Variants in API5 observed in about 807,000 individuals in gnomAD.
The protein encoded by API5 is FIF.
Under a neutral mutation model 71.9 loss-of-function variants are expected in API5, and 6 were observed. The observed-to-expected ratio is 0.08, with a 90% CI of 0.05 to 0.16. The LOEUF is 0.16. Ranked by LOEUF, API5 falls within the 10% of genes least tolerant of loss-of-function variation. API5 has a pLI of 1.00. For missense variants in API5, 332 were observed against 612.8 expected, an observed-to-expected ratio of 0.54 and a Z score of 4.84; for synonymous variants, 189 against 221.3, an observed-to-expected ratio of 0.85 and a Z score of 1.30.
chr11:43,330,668 A>C (rs1855221194), intron 11 of API5, 104 bp downstream of exon 11: 5 of 887,586 alleles, frequency 5.6e-6, no homozygotes. Flanking sequence ...GGAGGCATGC[A>C]AACTTCTTCT....
chr11:43,324,709 G>T (rs1299895579), intron 6 of API5, among the ~76,000 whole-genome samples: 1 of 152,056 alleles, frequency 6.6e-6, no homozygotes, highest in Middle Eastern at 3.4e-3. Context: ...ACAGAGTCTC[G>T]CTCCATCCCC....
chr11:43,322,499 C>T (rs766532952), intron 5 of API5, among the ~76,000 whole-genome samples: 4 of 152,128 alleles, frequency 2.6e-5, no homozygotes, highest in African/African-American at 4.8e-5. Flanking sequence ...CAAAATGAAA[C>T]ATCACATCAA....
At chr11:43,331,697 A>C (rs996291861) in intron 11 of API5, among the ~76,000 whole-genome samples, 4 of 152,176 alleles carry the variant, frequency 2.6e-5, no homozygotes, top group African/African-American at 9.6e-5. Flanking sequence ...CATGTAGTCC[A>C]AATTCAAGTT....
intron 2 of API5, among the ~76,000 whole-genome samples, chr11:43,319,855 C>T (rs1049597013): frequency 3.3e-5 from 5 of 152,150 alleles, no homozygotes; most frequent in African/African-American, 7.2e-5. Flanking sequence ...AACATTGCCA[C>T]AGTAGCCATT....
intron 2 of API5, among the ~76,000 whole-genome samples, chr11:43,320,561 T>C (rs769734952): frequency 4.0e-5 from 6 of 151,706 alleles, no homozygotes; most frequent in Non-Finnish European, 7.4e-5. Context: ...CTGGGCAACA[T>C]AGGGAAATCC....
Position 43,321,404 on chromosome 11 carries a change from T to TA in API5, c.326-6dup. 1 of 1,600,968 alleles carries TA rather than the reference T, an allele frequency of 6.2e-7. No homozygotes were observed. The highest frequency in any genetic ancestry group is 1.1e-5 in the South Asian group (1 of 88,522). On this transcript the variant is annotated splice_region_variant and splice_polypyrimidine_tract_variant and intron_variant, in intron 3 of 13. Transcript: ENST00000531273. ...TATATTCATTATGCCACTTTTTCTT[T>TA]ATCCAGATGACTCTGCAGAATTTAA... is the stretch of plus-strand genomic sequence containing the variant.
Position 43,312,001 on chromosome 11 carries a change from T to TGGCGGCTGCACTGGC in API5, c.-123_-109dup. ...GCGCAGCCGCGCTGTGCGCGGTGAC[T>TGGCGGCTGCACTGGC]GGCGGCTGCACTGGCGGCAGCTGGA... On this transcript the variant is annotated 5_prime_UTR_variant, in exon 1 of 14. Coordinates refer to ENST00000531273, the MANE Select transcript of API5 (RefSeq NM_001142930.2). The TGGCGGCTGCACTGGC allele has an allele frequency of 9.2e-7, 1 of 1,082,096 alleles. No individual in the cohort carries two copies. Among genetic ancestry groups the TGGCGGCTGCACTGGC allele is most frequent in the Non-Finnish European group, 1.3e-6 (1 of 745,942 alleles). The allele number at this position is 1,082,096 out of a possible 1,614,324, so 67.0% of individuals were successfully genotyped here. A position where few individuals can be genotyped will look rare whatever the true frequency, so the allele number is the denominator to read the frequency against.
At chr11:43,321,932 A>C in intron 4 of API5, 53 bp from the exon 5 acceptor site, 1 of 1,496,900 alleles carries the variant, frequency 6.7e-7, no homozygotes, top group South Asian at 1.3e-5. Flanking sequence ...AAATGGGAAA[A>C]CACCATTACA....
chr11:43,322,793 T>G (rs538841157), intron 5 of API5, among the ~76,000 whole-genome samples: 12 of 152,354 alleles, frequency 7.9e-5, no homozygotes, highest in African/African-American at 2.9e-4. Context: ...GATAAGATTA[T>G]TTTTCAGTGA....
rs190453462 is a variant in API5 at position 43,332,831 on chromosome 11, G to A, written c.1278+2267G>A. On this transcript the variant is annotated intron_variant, in intron 11 of 13. Coordinates refer to ENST00000531273, the MANE Select transcript of API5 (RefSeq NM_001142930.2). ...CCCCTTTCTCCTCCCTGGAGGTGGG[G>A]TTGGACTGAGTTCCGACCCTGTAAG... Among the ~76,000 whole-genome samples, 339 of 152,246 alleles carry A rather than the reference G, an allele frequency of 2.2e-3. 3 individuals are homozygous for A. Among genetic ancestry groups the A allele is most frequent in the African/African-American group, 7.9e-3 (327 of 41,554 alleles).
chr11:43,318,893 C>T (rs1854770100), intron 2 of API5, 92 bp downstream of exon 2: 10 of 1,297,542 alleles, frequency 7.7e-6, no homozygotes, highest in Non-Finnish European at 1.1e-5. Context: ...TATCAGAGTA[C>T]ACAATAAAAT....
chr11:43,343,384 AC>A lies in API5; in HGVS notation c.*875del, dbSNP rs1361045114. ...AAGGGATTCTAAGTTAGTTGCACTTACATGATTATTGTTATTTAAAACTAAG... is the reference window on the plus strand; with the variant it reads ...AAGGGATTCTAAGTTAGTTGCACTTAATGATTATTGTTATTTAAAACTAAG... On this transcript the variant is annotated 3_prime_UTR_variant, in exon 14 of 14. Transcript: ENST00000531273. 6.6e-6 allele frequency: 1 copy of A among 152,416 alleles called. No individual in the cohort carries two copies. Among genetic ancestry groups the A allele is most frequent in the African/African-American group, 2.4e-5 (1 of 41,438 alleles). 9.4% of individuals were successfully genotyped at this position (152,416 alleles called of 1,614,324 possible).
At chr11:43,325,878 G>A (rs1855054008) in intron 6 of API5, among the ~76,000 whole-genome samples, 1 of 152,128 alleles carries the variant, frequency 6.6e-6, no homozygotes, top group African/African-American at 2.4e-5. Context: ...CATTCTGGAG[G>A]GCTAAAGAAT....
At chr11:43,319,143 A>T (rs1475447360) in intron 2 of API5, among the ~76,000 whole-genome samples, 2 of 152,248 alleles carry the variant, frequency 1.3e-5, no homozygotes, top group Admixed American at 1.3e-4. Flanking sequence ...TTACTTGGAT[A>T]TTTAAATTAT....
At chr11:43,335,387 T>TA (rs1234252939) in intron 12 of API5, 33 bp downstream of exon 12, 1 of 1,347,234 alleles carries the variant, frequency 7.4e-7, no homozygotes, top group Non-Finnish European at 1.1e-6. Context: ...ATTTAAGTGT[T>TA]ATCAAAACTT....
At chr11:43,331,681 T>C (rs1333730213) in intron 11 of API5, among the ~76,000 whole-genome samples, 2 of 152,132 alleles carry the variant, frequency 1.3e-5, no homozygotes. Context: ...TGCGTATAAG[T>C]GAGACCATGT....
chr11:43,332,728 G>A (rs1855299892), intron 11 of API5, among the ~76,000 whole-genome samples: 1 of 152,072 alleles, frequency 6.6e-6, no homozygotes, highest in Admixed American at 6.5e-5. Context: ...AGTTTTTATG[G>A]AGGCTCCATT....
chr11:43,320,519 A>G (rs1043549269), intron 2 of API5, among the ~76,000 whole-genome samples: 27 of 152,106 alleles, frequency 1.8e-4, no homozygotes, highest in African/African-American at 6.3e-4. Flanking sequence ...TGAGGTGGGA[A>G]GATCACTTGA....
chr11:43,342,829 G>A lies in API5; in HGVS notation c.*319G>A. On this transcript the variant is annotated 3_prime_UTR_variant, in exon 14 of 14. Transcript: ENST00000531273. The stretch of plus-strand genomic sequence containing the variant: ...AGAGCTGTTCATTCTAAAATGTAAT[G>A]AAATTCAGTCTAGTTCTGCTGATAA... The A allele has an allele frequency of 1.7e-6, 1 of 577,048 alleles. No individual in the cohort carries two copies. Among genetic ancestry groups the A allele is most frequent in the Non-Finnish European group, 3.1e-6 (1 of 326,730 alleles). The allele number at this position is 577,048 out of a possible 1,614,324, so 35.7% of individuals were successfully genotyped here.
Sources: allele counts gnomAD v4.1 joint callset (sites outside exome capture counted in the v4.1 genomes callset), GRCh38; gene constraint gnomAD v4.1.1; transcripts MANE v1.5; gene names NCBI Gene and HGNC (gene_info 2026-07-23, HGNC 2026-07-21).